Variants in RARRES1 observed in about 807,000 individuals in gnomAD.
RARRES1 encodes retinoic acid receptor responder protein 1.
A neutral mutation model predicts 30.6 loss-of-function variants in RARRES1; 34 were observed. The ratio of observed to expected loss-of-function variants is 1.11; its 90% CI spans 0.84 to 1.48. RARRES1 has a LOEUF of 1.48. Among genes scored for constraint, RARRES1 ranks in the 40% most tolerant of loss-of-function variants. The pLI is 0.00. For missense variants in RARRES1, 373 were observed against 386.5 expected (o/e 0.97, Z 0.29); for synonymous variants, 153 against 155.5 (o/e 0.98, Z 0.12).
At chr3:158,707,693 T>C (rs909820471) in intron 3 of RARRES1, among the ~76,000 whole-genome samples, 1 of 152,172 alleles carries the variant, frequency 6.6e-6, no homozygotes, top group Non-Finnish European at 1.5e-5. Context: ...ACAGCTGTCA[T>C]GTGGAGTGCA....
At chr3:158,720,549 C>T (rs1576820351) in intron 1 of RARRES1, among the ~76,000 whole-genome samples, 1 of 150,408 alleles carries the variant, frequency 6.6e-6, no homozygotes, top group South Asian at 2.1e-4. Flanking sequence ...TAGAATCCCT[C>T]CTTGCCTCTT....
chr3:158,710,296 C>T (rs913799437), intron 3 of RARRES1, among the ~76,000 whole-genome samples: 2 of 151,732 alleles, frequency 1.3e-5, no homozygotes, highest in African/African-American at 4.9e-5. Context: ...CAACCTCCGC[C>T]TCCCAGGTTC....
intron 1 of RARRES1, among the ~76,000 whole-genome samples, chr3:158,720,916 AC>A (rs1468774946): frequency 6.6e-6 from 1 of 152,226 alleles, no homozygotes; most frequent in African/African-American, 2.4e-5. Flanking sequence ...ACTTAAGGTC[AC>A]ATTCTTAGTC....
intron 1 of RARRES1, among the ~76,000 whole-genome samples, chr3:158,720,009 A>G (rs961535936): frequency 1.7e-4 from 26 of 152,124 alleles, no homozygotes; most frequent in Admixed American, 1.2e-3. Flanking sequence ...GTACTAACCT[A>G]TTATATCACT....
At chr3:158,722,372 CT>C (rs1303537679) in intron 1 of RARRES1, among the ~76,000 whole-genome samples, 2 of 152,122 alleles carry the variant, frequency 1.3e-5, no homozygotes, top group East Asian at 3.9e-4. Flanking sequence ...TCTGCACTAT[CT>C]TTACATTAGG....
chr3:158,708,266 C>T (rs1050051016), intron 3 of RARRES1, among the ~76,000 whole-genome samples: 8 of 152,174 alleles, frequency 5.3e-5, no homozygotes, highest in Non-Finnish European at 8.8e-5. Context: ...CTCATCATCA[C>T]GTGTTCTATC....
chr3:158,714,054 CCTA>C (rs1264297877), intron 1 of RARRES1, among the ~76,000 whole-genome samples, 195 bp from the exon 2 acceptor site: 1 of 152,010 alleles, frequency 6.6e-6, no homozygotes, highest in Admixed American at 6.6e-5. Flanking sequence ...TAGTTTGACA[CCTA>C]CTCACAAAGA....
chr3:158,730,092 C>A (rs951113227), intron 1 of RARRES1, among the ~76,000 whole-genome samples: 1 of 151,886 alleles, frequency 6.6e-6, no homozygotes, highest in African/African-American at 2.4e-5. Context: ...GAGACCCAGG[C>A]GGCCAGATCA....
rs113473703 is a variant in RARRES1 at position 158,723,823 on chromosome 3, G to C, written c.276+8317C>G. ...CCTTTTCTCCTGCTGGGAGCAATGG[G>C]AATGGGCTGGGTCCTGGCCTGTCTC... On this transcript the variant is annotated intron_variant, in intron 1 of 5. Transcript: ENST00000237696. This position sits in a 1 kb window ranked among gnomAD's most constrained non-coding sequence, Gnocchi z 4.4. 4.0e-3 allele frequency among the ~76,000 whole-genome samples: 613 copies of C among 152,322 alleles called. 4 individuals carry two copies. Among genetic ancestry groups the C allele is most frequent in the African/African-American group, 0.014 (594 of 41,566 alleles).
chr3:158,728,516 C>CTTTTTTTTTTTT (rs755791546), intron 1 of RARRES1, among the ~76,000 whole-genome samples: 17 of 133,922 alleles, frequency 1.3e-4, no homozygotes, highest in African/African-American at 3.4e-4. Context: ...CTTTTTCTTT[C>CTTTTTTTTTTTT]TTTTTTTTTT....
intron 1 of RARRES1, among the ~76,000 whole-genome samples, chr3:158,716,420 T>G (rs1727324292): frequency 6.6e-6 from 1 of 152,204 alleles, no homozygotes; most frequent in Non-Finnish European, 1.5e-5. Context: ...ATTCTTGATA[T>G]AATTGTGCAT....
At chr3:158,728,515 T>C (rs899169024) in intron 1 of RARRES1, among the ~76,000 whole-genome samples, 1 of 136,216 alleles carries the variant, frequency 7.3e-6, no homozygotes, top group African/African-American at 2.9e-5. Flanking sequence ...TCTTTTTCTT[T>C]CTTTTTTTTT....
At chr3:158,730,617 AT>A (rs1342079071) in intron 1 of RARRES1, among the ~76,000 whole-genome samples, 1 of 150,704 alleles carries the variant, frequency 6.6e-6, no homozygotes, top group Non-Finnish European at 1.5e-5. Flanking sequence ...TTAATTTTTA[AT>A]TTTTTTTATT....
intron 1 of RARRES1, among the ~76,000 whole-genome samples, chr3:158,717,345 G>C (rs1727354380): frequency 3.9e-5 from 6 of 152,226 alleles, no homozygotes; most frequent in Admixed American, 2.6e-4. Context: ...GAGCATTGTA[G>C]GATTGATTAT....
chr3:158,702,462 C>A (rs1046120099), intron 4 of RARRES1, among the ~76,000 whole-genome samples: 6 of 152,182 alleles, frequency 3.9e-5, no homozygotes, highest in African/African-American at 1.2e-4. Context: ...GAGGGAAATA[C>A]ACCTGCTATT....
intron 4 of RARRES1, 92 bp downstream of exon 4, chr3:158,704,699 A>G: frequency 6.7e-7 from 1 of 1,485,560 alleles, no homozygotes; most frequent in Non-Finnish European, 9.0e-7. Context: ...ACAACTCTTG[A>G]TATGAAATTA....
At chr3:158,703,413 T>C (rs548161045) in intron 4 of RARRES1, among the ~76,000 whole-genome samples, 95 of 152,006 alleles carry the variant, frequency 6.2e-4, no homozygotes, top group African/African-American at 2.2e-3. Flanking sequence ...CTGTTATGTC[T>C]CCCAACCAAA....
intron 1 of RARRES1, among the ~76,000 whole-genome samples, chr3:158,728,391 C>A (rs932992182): frequency 6.6e-6 from 1 of 152,156 alleles, no homozygotes; most frequent in African/African-American, 2.4e-5. Context: ...CTGCTCGCCC[C>A]TCAGGGTCAG....
intron 4 of RARRES1, among the ~76,000 whole-genome samples, chr3:158,704,417 A>C (rs751470657): frequency 1.3e-5 from 2 of 151,744 alleles, no homozygotes; most frequent in African/African-American, 2.4e-5. Context: ...TTTTTTGTAG[A>C]GATAGGGCCT....
Sources: allele counts gnomAD v4.1 joint callset (sites outside exome capture counted in the v4.1 genomes callset), GRCh38; gene constraint gnomAD v4.1.1; non-coding constraint Gnocchi (gnomAD v3.1); transcripts MANE v1.5; gene names NCBI Gene and HGNC (gene_info 2026-07-23, HGNC 2026-07-21).